DOCK1: variants seen among roughly 807,000 people sequenced by gnomAD.
The protein encoded by DOCK1 is dedicator of cytokinesis 1.
Under a neutral mutation model 262.7 loss-of-function variants are expected in DOCK1, and 138 were observed. The observed-to-expected ratio is 0.53, with a 90% CI of 0.46 to 0.61. The LOEUF (loss-of-function observed/expected upper bound fraction) is 0.61, where lower values mean the gene tolerates loss of function less well. Ranked by LOEUF, DOCK1 falls within the 20% of genes least tolerant of loss-of-function variation. The probability of loss-of-function intolerance (pLI) is 0.00; values close to 1 mark genes in which losing one functional copy is unlikely to be tolerated. For synonymous variants in DOCK1, 866 were observed against 867.4 expected (o/e 1.00, Z 0.03); for missense variants, 1,908 against 2,370.7 (o/e 0.80, Z 4.05).
intron 27 of DOCK1, among the ~76,000 whole-genome samples, chr10:127,195,375 C>A (rs1203465250): frequency 6.6e-6 from 1 of 152,188 alleles, no homozygotes; most frequent in East Asian, 1.9e-4. Context: ...CACCGGGAAG[C>A]CCCGCGGCGC....
At chr10:127,328,466 A>C (rs551115025) in intron 29 of DOCK1, among the ~76,000 whole-genome samples, 5 of 152,372 alleles carry the variant, frequency 3.3e-5, no homozygotes, top group African/African-American at 4.8e-5. Context: ...GATTCTGCAC[A>C]GATGGACCCT....
chr10:127,129,022 T>C (rs2050144941), intron 27 of DOCK1, among the ~76,000 whole-genome samples: 1 of 152,200 alleles, frequency 6.6e-6, no homozygotes, highest in African/African-American at 2.4e-5. Flanking sequence ...ACCGTTGTTC[T>C]TGTTGCATAT....
intron 27 of DOCK1, among the ~76,000 whole-genome samples, chr10:127,214,093 C>T (rs994839282): frequency 3.9e-5 from 6 of 152,182 alleles, no homozygotes; most frequent in Non-Finnish European, 8.8e-5. Flanking sequence ...GTGATCCACT[C>T]GCCTCGGCGT....
In DOCK1 at chr10:127,026,366, C is replaced by T. The variant is rs770778704; in HGVS notation, c.1566C>T (p.Ile522=). 1.7e-5 allele frequency: 26 copies of T among 1,569,840 alleles called. No homozygotes were observed. Among genetic ancestry groups the T allele is most frequent in the South Asian group, 2.3e-5 (2 of 85,174 alleles). ...AATTCTTGAAGGTGGCCATTCCCAT[C>T]GAGGACGTTAACCGCAGTCACCTTC... ...WFETVKVAIP[I]EDVNRSHLRF... The change falls in exon 16 of 52, where the codon ATC becomes ATT. Residue 522 remains isoleucine (I), a synonymous_variant. Transcript: ENST00000623213.
At chr10:126,945,785 C>T (rs1401014210) in intron 1 of DOCK1, among the ~76,000 whole-genome samples, 4 of 152,216 alleles carry the variant, frequency 2.6e-5, no homozygotes, top group Admixed American at 6.5e-5. Context: ...GGCTGGCGGT[C>T]GTGAGCAGTT....
chr10:127,202,438 T>C (rs959502979), intron 27 of DOCK1, among the ~76,000 whole-genome samples: 1 of 152,136 alleles, frequency 6.6e-6, no homozygotes, highest in Non-Finnish European at 1.5e-5. Flanking sequence ...TCCCAGGCCT[T>C]CTGCCCCGGT....
intron 6 of DOCK1, among the ~76,000 whole-genome samples, chr10:126,991,752 C>T (rs2039802806): frequency 6.6e-6 from 1 of 152,100 alleles, no homozygotes; most frequent in Non-Finnish European, 1.5e-5. Flanking sequence ...TGATCTCAAA[C>T]TCCCTACCTC....
At chr10:127,058,356 A>C (rs1208918580) in intron 22 of DOCK1, among the ~76,000 whole-genome samples, 2 of 149,826 alleles carry the variant, frequency 1.3e-5, no homozygotes, top group East Asian at 3.9e-4. Flanking sequence ...TAGTATTTGC[A>C]TGGAATACCT....
At chr10:126,940,379 A>G (rs2034892660) in intron 1 of DOCK1, among the ~76,000 whole-genome samples, 1 of 152,190 alleles carries the variant, frequency 6.6e-6, no homozygotes, top group Non-Finnish European at 1.5e-5. Context: ...AGGAGTCTGC[A>G]GCACTTCGTA....
intron 29 of DOCK1, among the ~76,000 whole-genome samples, chr10:127,278,513 A>C (rs2060828376): frequency 6.6e-6 from 1 of 152,194 alleles, no homozygotes; most frequent in Non-Finnish European, 1.5e-5. Flanking sequence ...GAGAGAATTA[A>C]GCAAGGGTGA....
intron 27 of DOCK1, among the ~76,000 whole-genome samples, chr10:127,239,868 A>G (rs2059202316): frequency 6.6e-6 from 1 of 152,166 alleles, no homozygotes; most frequent in Non-Finnish European, 1.5e-5. Context: ...CAAACAAAGT[A>G]TATAGTCCTC....
intron 1 of DOCK1, among the ~76,000 whole-genome samples, chr10:126,910,736 C>T (rs775755363): frequency 3.9e-5 from 6 of 152,168 alleles, no homozygotes; most frequent in South Asian, 2.1e-4. Flanking sequence ...CCTCCCTCCA[C>T]GCCTTTCTCC....
chr10:127,366,444 T>C (rs1753189179), intron 33 of DOCK1, among the ~76,000 whole-genome samples: 1 of 152,114 alleles, frequency 6.6e-6, no homozygotes, highest in Non-Finnish European at 1.5e-5. Flanking sequence ...CTTGCTCCCC[T>C]GGCCTCCGTG....
chr10:127,198,187 A>G (rs1384325112), intron 27 of DOCK1, among the ~76,000 whole-genome samples: 2 of 152,196 alleles, frequency 1.3e-5, no homozygotes, highest in African/African-American at 4.8e-5. Context: ...GGGCCTGGGA[A>G]GGGAATGTAT....
At chr10:127,111,037 C>T (rs1252355672) in intron 25 of DOCK1, among the ~76,000 whole-genome samples, 6 of 152,116 alleles carry the variant, frequency 3.9e-5, no homozygotes, top group African/African-American at 4.8e-5. Context: ...TGGATTTATT[C>T]GATTCCATTT....
intron 23 of DOCK1, among the ~76,000 whole-genome samples, chr10:127,076,294 GATCA>G (rs2046537985): frequency 6.6e-6 from 1 of 152,202 alleles, no homozygotes; most frequent in Non-Finnish European, 1.5e-5. Context: ...AAGGTCAGTA[GATCA>G]AGACCATCCT....
chr10:127,343,539 A>T (rs1554952191), intron 30 of DOCK1, 107 bp from the exon 31 acceptor site: 9 of 933,774 alleles, frequency 9.6e-6, no homozygotes, highest in Middle Eastern at 2.2e-4. Flanking sequence ...TTTTTTTTTA[A>T]CTTTTCAGAA....
intron 29 of DOCK1, among the ~76,000 whole-genome samples, chr10:127,261,266 T>TGC (rs1216911782): frequency 7.2e-6 from 1 of 139,250 alleles, no homozygotes; most frequent in African/African-American, 2.8e-5. Context: ...CATGTGGGTG[T>TGC]GTGTGTGTGC....
At chr10:127,000,012 A>C (rs911399298) in intron 9 of DOCK1, among the ~76,000 whole-genome samples, 160 bp from the exon 10 acceptor site, 1 of 152,188 alleles carries the variant, frequency 6.6e-6, no homozygotes, top group Non-Finnish European at 1.5e-5. Context: ...ACAGTAATTG[A>C]CTATTGTTAT....
Sources: allele counts gnomAD v4.1 joint callset (sites outside exome capture counted in the v4.1 genomes callset), GRCh38; gene constraint gnomAD v4.1.1; transcripts MANE v1.5; gene names NCBI Gene and HGNC (gene_info 2026-07-23, HGNC 2026-07-21).